TRAPPC12: variants seen among roughly 807,000 people sequenced by gnomAD.
TRAPPC12 encodes trafficking protein particle complex subunit 12, also known as TPR repeat protein 15.
Under a neutral mutation model 69.2 loss-of-function variants are expected in TRAPPC12, and 61 were observed. That is an observed-to-expected ratio of 0.88 (90% confidence interval 0.72 to 1.09). The LOEUF (loss-of-function observed/expected upper bound fraction) is 1.09. Among genes scored for constraint, TRAPPC12 ranks in the 50% least tolerant of loss-of-function variants. The probability of loss-of-function intolerance (pLI) is 0.00; values close to 1 mark genes in which losing one functional copy is unlikely to be tolerated. For synonymous variants in TRAPPC12, 469 were observed against 438.9 expected, an observed-to-expected ratio of 1.07 and a Z score of -0.86; for missense variants, 1,101 against 1,016.4, an observed-to-expected ratio of 1.08 and a Z score of -1.13.
intron 6 of TRAPPC12, among the ~76,000 whole-genome samples, chr2:3,451,486 AC>A (rs558677189): frequency 6.9e-4 from 105 of 152,220 alleles, no homozygotes; most frequent in African/African-American, 2.5e-3. Flanking sequence ...TCATGCTGAT[AC>A]CCAATGAAGA....
rs556697485 is a variant in TRAPPC12, at chr2:3,465,606, C to G, written c.1687C>G (p.Leu563Val). ...GTTTTTCTTCCCACAGGATTATGTGCTGGCCGTGGAGGCGTATCATTCGGT... is the reference window on the plus strand; with the variant it reads ...GTTTTTCTTCCCACAGGATTATGTGGTGGCCGTGGAGGCGTATCATTCGGT... Reference protein sequence around the residue: ...NCLLLMKDYVLAVEAYHSVIK... With the variant: ...NCLLLMKDYVVAVEAYHSVIK... The change falls in exon 9 of 12, where the codon CTG (leucine) becomes GTG (valine). Residue 563 changes from leucine (L) to valine (V), a missense_variant. Coordinates refer to ENST00000324266, the MANE Select transcript of TRAPPC12 (RefSeq NM_016030.6). The G allele has an allele frequency of 1.2e-5, 20 of 1,613,468 alleles. No individual in the cohort carries two copies. Among genetic ancestry groups the G allele is most frequent in the Non-Finnish European group, 1.6e-5 (19 of 1,179,372 alleles).
chr2:3,410,837 C>A (rs1351988124), intron 3 of TRAPPC12, among the ~76,000 whole-genome samples: 1 of 152,112 alleles, frequency 6.6e-6, no homozygotes, highest in Non-Finnish European at 1.5e-5. Flanking sequence ...CAAGACCATC[C>A]AGGCCAACAT....
chr2:3,409,101 G>A (rs866312119), intron 3 of TRAPPC12, among the ~76,000 whole-genome samples: 6 of 152,150 alleles, frequency 3.9e-5, no homozygotes, highest in Non-Finnish European at 8.8e-5. Context: ...CCCTGGGCAC[G>A]TCACTGTCCC....
At chr2:3,455,809 C>T (rs1665117587) in intron 6 of TRAPPC12, 1 of 152,258 alleles carries the variant, frequency 6.6e-6, no homozygotes. Flanking sequence ...CTGCAGCACA[C>T]ACGGGTGTGC....
At chr2:3,417,764 C>T (rs1042714806) in intron 3 of TRAPPC12, among the ~76,000 whole-genome samples, 5 of 152,220 alleles carry the variant, frequency 3.3e-5, no homozygotes, top group East Asian at 1.9e-4. Context: ...GGTCATTGGC[C>T]GGGCGTGATG....
At chr2:3,417,997 C>T (rs13031332) in intron 3 of TRAPPC12, among the ~76,000 whole-genome samples, 35,772 of 138,390 alleles carry the variant, frequency 0.26, 734 homozygotes, top group African/African-American at 0.38. Flanking sequence ...GAGTCGAGAT[C>T]GTGCCACCGC....
intron 3 of TRAPPC12, among the ~76,000 whole-genome samples, chr2:3,418,842 C>T (rs1662602364): frequency 6.6e-6 from 1 of 152,362 alleles, no homozygotes; most frequent in African/African-American, 2.4e-5. Context: ...CACGACACTG[C>T]TGTGGCCTGT....
chr2:3,469,014 T>A (rs530241267), intron 9 of TRAPPC12, among the ~76,000 whole-genome samples: 2 of 152,170 alleles, frequency 1.3e-5, no homozygotes, highest in East Asian at 3.9e-4. Context: ...GAGAAAGAAC[T>A]CAAATGGAAT....
At chr2:3,454,245 T>C (rs1215853118) in intron 6 of TRAPPC12, among the ~76,000 whole-genome samples, 17 of 133,512 alleles carry the variant, frequency 1.3e-4, no homozygotes, top group East Asian at 9.5e-4. Context: ...GTGTCCTACC[T>C]GTGTGCCCTC....
chr2:3,460,015 G>A, intron 7 of TRAPPC12: 1 of 600,014 alleles, frequency 1.7e-6, no homozygotes, highest in South Asian at 1.9e-5. Flanking sequence ...GGCTGATGCT[G>A]AGCAGCCACC....
chr2:3,422,026 C>G (rs1165956620), intron 4 of TRAPPC12, 32 bp downstream of exon 4: 6 of 1,542,520 alleles, frequency 3.9e-6, no homozygotes, highest in South Asian at 1.2e-5. Context: ...TGGAGTTTAA[C>G]CTGGCTTATC....
chr2:3,440,494 G>A (rs1664142037), intron 5 of TRAPPC12, among the ~76,000 whole-genome samples: 1 of 152,030 alleles, frequency 6.6e-6, no homozygotes, highest in East Asian at 1.9e-4. Context: ...TTTATTGCTA[G>A]TATCTAGGAA....
At chr2:3,476,386 A>C (rs999230785) in intron 9 of TRAPPC12, among the ~76,000 whole-genome samples, 15 of 152,194 alleles carry the variant, frequency 9.9e-5, no homozygotes, top group Non-Finnish European at 2.1e-4. Flanking sequence ...CCCACCAGCC[A>C]CGGGGCCCTG....
chr2:3,429,473 A>G (rs985909124), intron 5 of TRAPPC12, among the ~76,000 whole-genome samples: 1 of 152,358 alleles, frequency 6.6e-6, no homozygotes, highest in East Asian at 1.9e-4. Flanking sequence ...AGAAAAAAAG[A>G]TAAGTATATC....
intron 3 of TRAPPC12, among the ~76,000 whole-genome samples, chr2:3,421,110 G>GC (rs1231908044): frequency 6.6e-6 from 1 of 152,200 alleles, no homozygotes; most frequent in African/African-American, 2.4e-5. Context: ...CAAAGATAGT[G>GC]CCCGTTACAT....
intron 11 of TRAPPC12, 126 bp downstream of exon 11, chr2:3,479,059 C>T: frequency 6.8e-7 from 1 of 1,477,702 alleles, no homozygotes; most frequent in Admixed American, 2.0e-5. Flanking sequence ...CAGGCAGTGG[C>T]TGTGGCCCTT....
chr2:3,399,138 T>C (rs1161534246), intron 2 of TRAPPC12, among the ~76,000 whole-genome samples: 1 of 152,234 alleles, frequency 6.6e-6, no homozygotes, highest in Admixed American at 6.5e-5. Context: ...GTCATGCATA[T>C]GCTAGTATCT....
chr2:3,452,706 C>T (rs1020108741), intron 6 of TRAPPC12, among the ~76,000 whole-genome samples: 1 of 152,228 alleles, frequency 6.6e-6, no homozygotes, highest in African/African-American at 2.4e-5. Flanking sequence ...CTGGACGTTT[C>T]AAAGACCCAC....
At chr2:3,433,572 C>T (rs1305066613) in intron 5 of TRAPPC12, among the ~76,000 whole-genome samples, 4 of 152,202 alleles carry the variant, frequency 2.6e-5, no homozygotes, top group Admixed American at 2.6e-4. Context: ...GTAGCATACC[C>T]CACTGAAGGG....
Sources: allele counts gnomAD v4.1 joint callset (sites outside exome capture counted in the v4.1 genomes callset), GRCh38; gene constraint gnomAD v4.1.1; transcripts MANE v1.5; gene names NCBI Gene and HGNC (gene_info 2026-07-23, HGNC 2026-07-21).